COL21A1: variants seen among roughly 807,000 people sequenced by gnomAD.
COL21A1 encodes the protein collagen alpha-1(XXI) chain.
A neutral mutation model predicts 137.9 loss-of-function variants in COL21A1; 149 were observed. That is an observed-to-expected ratio of 1.08 (90% confidence interval 0.95 to 1.24). The LOEUF (loss-of-function observed/expected upper bound fraction) is 1.24, where lower values mean the gene tolerates loss of function less well. Among genes scored for constraint, COL21A1 ranks in the 50% most tolerant of loss-of-function variants. COL21A1 has a pLI of 0.00. For missense variants in COL21A1, 1,167 were observed against 1,158.4 expected, an observed-to-expected ratio of 1.01 and a Z score of -0.11; for synonymous variants, 456 against 391.5, an observed-to-expected ratio of 1.16 and a Z score of -1.95.
intron 3 of COL21A1, 150 bp from the exon 4 acceptor site, chr6:56,171,278 T>C (rs2152273272): frequency 2.4e-6 from 1 of 415,472 alleles, no homozygotes; most frequent in East Asian, 3.6e-5. Flanking sequence ...TATAAATGTA[T>C]ATGAATACAT....
At chr6:56,252,246 CAAGCTTTTCCCTTATTG>C (rs1203736803), upstream of COL21A1, among the ~76,000 whole-genome samples, 1 of 152,202 alleles carries the variant, frequency 6.6e-6, no homozygotes, top group East Asian at 1.9e-4. Context: ...TACAGCTTAA[CAAGCTTTTCCCTTATTG>C]CATAACAATA....
chr6:56,122,515 T>C lies in COL21A1; in HGVS notation c.1758+1547A>G, dbSNP rs185455566. Among the ~76,000 whole-genome samples the C allele has an allele frequency of 1.1e-4, 16 of 152,234 alleles. No homozygotes were observed. In the East Asian group the frequency reaches 2.1e-3, roughly 20 times the overall value. ...TTTTTAATAGGGCATGGTGTTTCTT[T>C]ATGGGATAATGAAAATGTTCTAAAA... On this transcript the variant is annotated intron_variant, in intron 16 of 29. Coordinates refer to ENST00000244728, the MANE Select transcript of COL21A1 (RefSeq NM_030820.4).
chr6:56,144,101 G>C (rs1234963885), intron 10 of COL21A1, among the ~76,000 whole-genome samples: 1 of 152,182 alleles, frequency 6.6e-6, no homozygotes, highest in Non-Finnish European at 1.5e-5. Flanking sequence ...TTTGGAATCA[G>C]ATAGGCCTAG....
chr6:56,076,828 T>C lies in COL21A1; in HGVS notation c.1857+701A>G, dbSNP rs901531554. The stretch of plus-strand genomic sequence containing the variant: ...AGCAGAGGTCATATGGAGATAATGG[T>C]GATTCTTTCCAGAACTACTGGAAAT... On this transcript the variant is annotated intron_variant, in intron 18 of 29. Coordinates refer to ENST00000244728, the MANE Select transcript of COL21A1 (RefSeq NM_030820.4). Among the ~76,000 whole-genome samples the C allele has an allele frequency of 8.6e-5, 13 of 151,618 alleles. No homozygotes were observed. The East Asian group carries it at 2.5e-3, about 30-fold the overall frequency.
At chr6:56,074,314 T>A (rs1161867482) in intron 19 of COL21A1, 29 bp from the exon 20 acceptor site, 13 of 1,476,152 alleles carry the variant, frequency 8.8e-6, no homozygotes, top group African/African-American at 7.1e-5. Context: ...ATTTCAAGAG[T>A]AACTTAGAGA....
intron 1 of COL21A1, among the ~76,000 whole-genome samples, chr6:56,310,607 G>T (rs7766685): frequency 0.86 from 130,114 of 152,088 alleles, 57,875 homozygotes; most frequent in South Asian, 0.99. Context: ...ATTTAAATGA[G>T]GTATTCTGAT....
intron 1 of COL21A1, among the ~76,000 whole-genome samples, chr6:56,350,016 T>C (rs533316634): frequency 6.6e-6 from 1 of 152,304 alleles, no homozygotes; most frequent in South Asian, 2.1e-4. Flanking sequence ...GACAGAGCAG[T>C]GCACTTCCCT....
intron 1 of COL21A1, among the ~76,000 whole-genome samples, chr6:56,354,949 G>C (rs963425000): frequency 6.6e-6 from 1 of 152,124 alleles, no homozygotes; most frequent in Non-Finnish European, 1.5e-5. Context: ...GTCACCATTG[G>C]ACAGTAATAA....
chr6:56,096,637 C>T (rs9475559), intron 17 of COL21A1, among the ~76,000 whole-genome samples: 1,528 of 152,160 alleles, frequency 0.01, 36 homozygotes, highest in African/African-American at 0.033. Flanking sequence ...ATAGTGCTAG[C>T]CATTAATTTT....
At chr6:56,069,579 TTTTTA>T (rs1766557709) in intron 21 of COL21A1, among the ~76,000 whole-genome samples, 1 of 150,378 alleles carries the variant, frequency 6.6e-6, no homozygotes, top group South Asian at 2.1e-4. Context: ...TAACCCAATA[TTTTTA>T]TTTTGTTATG....
intron 17 of COL21A1, among the ~76,000 whole-genome samples, chr6:56,081,972 C>T (rs905592518): frequency 1.3e-5 from 2 of 151,824 alleles, no homozygotes; most frequent in Non-Finnish European, 2.9e-5. Context: ...GAAGGAAAAG[C>T]CATTTGGAGG....
At chr6:56,211,104 T>C (rs1471645310) in intron 1 of COL21A1, among the ~76,000 whole-genome samples, 2 of 148,934 alleles carry the variant, frequency 1.3e-5, no homozygotes, top group Non-Finnish European at 3.0e-5. Flanking sequence ...CTTTTATTTA[T>C]AAATATATAT....
At chr6:56,187,121 C>A (rs993155973) in intron 1 of COL21A1, among the ~76,000 whole-genome samples, 3 of 152,188 alleles carry the variant, frequency 2.0e-5, no homozygotes, top group African/African-American at 7.2e-5. Flanking sequence ...AGTCTAAGGG[C>A]GAAATCTGGT....
At chr6:56,377,850 G>C (rs2094002158) in intron 1 of COL21A1, among the ~76,000 whole-genome samples, 1 of 152,120 alleles carries the variant, frequency 6.6e-6, no homozygotes, top group Non-Finnish European at 1.5e-5. Context: ...GAAGAGTAGA[G>C]AGGACTTTGT....
At chr6:56,142,027 T>G in intron 10 of COL21A1, 44 bp from the exon 11 acceptor site, 1 of 1,371,106 alleles carries the variant, frequency 7.3e-7, no homozygotes, top group Non-Finnish European at 1.0e-6. Flanking sequence ...TTTCATCATA[T>G]TTACCAAGAG....
intron 17 of COL21A1, among the ~76,000 whole-genome samples, chr6:56,098,366 T>TATATAAACACATATGTAA (rs1186552313): frequency 8.7e-5 from 3 of 34,310 alleles, no homozygotes; most frequent in South Asian, 1.4e-3. Context: ...TATATATGAA[T>TATATAAACACATATGTAA]ATATATAAAT....
At chr6:56,372,708 G>A (rs2093991696) in intron 1 of COL21A1, among the ~76,000 whole-genome samples, 1 of 152,154 alleles carries the variant, frequency 6.6e-6, no homozygotes, top group African/African-American at 2.4e-5. Context: ...AATGTCATCT[G>A]GGCTTTGTCT....
chr6:56,097,865 A>ATATATG (rs1769561989), intron 17 of COL21A1, among the ~76,000 whole-genome samples: 1 of 26,046 alleles, frequency 3.8e-5, no homozygotes, highest in Non-Finnish European at 7.4e-5. Flanking sequence ...AAATATATAA[A>ATATATG]AATATCTATA....
intron 20 of COL21A1, among the ~76,000 whole-genome samples, chr6:56,073,757 C>T (rs909885782): frequency 6.6e-6 from 1 of 151,424 alleles, no homozygotes; most frequent in African/African-American, 2.4e-5. Context: ...GCTTGCCTTA[C>T]TTATTTAAAA....
Sources: allele counts gnomAD v4.1 joint callset (sites outside exome capture counted in the v4.1 genomes callset), GRCh38; gene constraint gnomAD v4.1.1; transcripts MANE v1.5; gene names NCBI Gene and HGNC (gene_info 2026-07-23, HGNC 2026-07-21).